Variants in NCAN observed in about 807,000 individuals in gnomAD.
NCAN encodes neurocan.
A neutral mutation model predicts 121.8 loss-of-function variants in NCAN; 47 were observed. That is an observed-to-expected ratio of 0.39 (90% CI 0.31 to 0.49). NCAN has a LOEUF of 0.49. Ranked by LOEUF, NCAN falls within the 20% of genes least tolerant of loss-of-function variation. NCAN has a pLI of 0.92. For synonymous variants in NCAN, 633 were observed against 702.0 expected (o/e 0.90, Z 1.55); for missense variants, 1,517 against 1,773.4 (o/e 0.86, Z 2.60).
intron 3 of NCAN, among the ~76,000 whole-genome samples, chr19:19,220,423 A>C (rs2060811931): frequency 6.7e-6 from 1 of 149,970 alleles, no homozygotes; most frequent in Non-Finnish European, 1.5e-5. Flanking sequence ...AAGCAAGAAC[A>C]ATTCTCAAAT....
At chr19:19,246,691 T>G (rs2060925704) in intron 13 of NCAN, among the ~76,000 whole-genome samples, 1 of 151,538 alleles carries the variant, frequency 6.6e-6, no homozygotes. Context: ...ACACCACACC[T>G]GGCTAATTTT....
intron 3 of NCAN, among the ~76,000 whole-genome samples, chr19:19,219,807 T>C (rs544749340): frequency 6.8e-6 from 1 of 147,478 alleles, no homozygotes; most frequent in East Asian, 2.0e-4. Flanking sequence ...TGTGGATCAG[T>C]TGAGGTCAGG....
rs200427306 is a variant in NCAN, at chr19:19,227,558, C to A, written c.1938C>A (p.His646Gln). The A allele has an allele frequency of 3.1e-6, 5 of 1,613,868 alleles. No homozygotes were observed. In the East Asian group the frequency reaches 6.7e-5, roughly 22 times the overall value. ...LRGPKEWMLP[H>Q]PTPISTEANR... Reference sequence around the variant, plus strand: ...GTCCCAAAGAGTGGATGCTACCACACCCCACCCCCATCTCCACCGAGGCCA... The same window carrying A: ...GTCCCAAAGAGTGGATGCTACCACAACCCACCCCCATCTCCACCGAGGCCA... The change falls in exon 8 of 15, where the codon CAC becomes CAA. Residue 646 changes from histidine (H) to glutamine (Q), a missense_variant. Coordinates refer to ENST00000252575, the MANE Select transcript of NCAN (RefSeq NM_004386.3). This position sits in a 1 kb window ranked among gnomAD's most constrained non-coding sequence, Gnocchi z 4.2.
chr19:19,245,525 T>C (rs2060921273), intron 13 of NCAN, 68 bp downstream of exon 13: 1 of 1,542,322 alleles, frequency 6.5e-7, no homozygotes, highest in Non-Finnish European at 8.8e-7. Context: ...TTGCCCAGGC[T>C]GGAGTGCAGT....
chr19:19,245,186 A>G (rs1234634223), intron 12 of NCAN, 127 bp from the exon 13 acceptor site: 1 of 1,171,642 alleles, frequency 8.5e-7, no homozygotes, highest in Non-Finnish European at 1.2e-6. Flanking sequence ...TGGCCATTGT[A>G]GAGATGGGAA....
At chr19:19,249,048 TG>T in intron 14 of NCAN, 166 bp downstream of exon 14, 1 of 297,312 alleles carries the variant, frequency 3.4e-6, no homozygotes, top group South Asian at 4.8e-5. Flanking sequence ...CCTTCATTTG[TG>T]TGTGTGTGTG....
At chr19:19,249,645 G>A (rs1568604940) in intron 14 of NCAN, 121 bp from the exon 15 acceptor site, 2 of 1,430,766 alleles carry the variant, frequency 1.4e-6, no homozygotes, top group East Asian at 2.3e-5. Context: ...GGGATGACAG[G>A]GATGAGCCCT....
At chr19:19,240,783 G>A (rs2060900705) in intron 12 of NCAN, 98 bp downstream of exon 12, 2 of 1,194,190 alleles carry the variant, frequency 1.7e-6, no homozygotes, top group South Asian at 2.5e-5. Flanking sequence ...GCAATTGGGT[G>A]TCAGAGGTCT....
At chr19:19,249,045 TTGTG>T (rs112544518) in intron 14 of NCAN, 163 bp downstream of exon 14, 5,946 of 543,654 alleles carry the variant, frequency 0.011, 3 homozygotes, top group South Asian at 0.022. Context: ...TTTCCTTCAT[TTGTG>T]TGTGTGTGTG....
chr19:19,248,638 A>C (rs1599827023), intron 13 of NCAN, 62 bp from the exon 14 acceptor site: 1 of 1,523,600 alleles, frequency 6.6e-7, no homozygotes, highest in Non-Finnish European at 9.0e-7. Flanking sequence ...CAACAACAAC[A>C]ACAACAACTA....
chr19:19,226,409 G>A, intron 6 of NCAN, 77 bp from the exon 7 acceptor site: 3 of 1,130,754 alleles, frequency 2.7e-6, no homozygotes, highest in Non-Finnish European at 3.8e-6. Context: ...CAGCATGCTG[G>A]AAAGTGGGTA....
intron 1 of NCAN, among the ~76,000 whole-genome samples, chr19:19,215,354 G>T (rs1039737621): frequency 2.0e-5 from 3 of 152,156 alleles, no homozygotes; most frequent in Non-Finnish European, 4.4e-5. Flanking sequence ...TGGTGACCGG[G>T]GTTCGCAGGA....
chr19:19,227,629 C>T lies in NCAN; in HGVS notation c.2009C>T (p.Ser670Phe). 9 of 1,613,962 alleles carry T rather than the reference C, an allele frequency of 5.6e-6. No individual in the cohort carries two copies. Among genetic ancestry groups the T allele is most frequent in the Non-Finnish European group, 7.6e-6 (9 of 1,180,028 alleles). ...GAGGCCACCGCCACGGCTCCACCCT[C>T]CCCTGCTGCAGAGACCAAGGTGTAT... is the stretch of plus-strand genomic sequence containing the variant. Reference protein sequence around the residue: ...HGEATATAPPSPAAETKVYSL... With the variant: ...HGEATATAPPFPAAETKVYSL... The change falls in exon 8 of 15, where the codon TCC becomes TTC. Residue 670 changes from serine to phenylalanine, a missense_variant. Ser to Phe is a radical substitution (Grantham distance 155). Transcript: ENST00000252575. The surrounding 1 kb of genome is among the most constrained non-coding windows in gnomAD (Gnocchi z 4.2).
In NCAN at chr19:19,212,553, C is replaced by A. The variant is rs1343243220; in HGVS notation, c.-8+489C>A. On this transcript the variant is annotated intron_variant, in intron 1 of 14. Transcript: ENST00000252575. The surrounding 1 kb of genome is among the most constrained non-coding windows in gnomAD (Gnocchi z 4.5). ...CAGTGGGGAGGGGGCCCCCAGATCA[C>A]CCTGTGCCCAATGGAAGGGTATCTG... 6.6e-6 allele frequency among the ~76,000 whole-genome samples: 1 copy of A among 152,168 alleles called. No individual in the cohort carries two copies. The highest frequency in any genetic ancestry group is 2.4e-5 in the African/African-American group (1 of 41,442).
At chr19:19,234,191 G>C (rs2060872624) in intron 9 of NCAN, among the ~76,000 whole-genome samples, 1 of 152,136 alleles carries the variant, frequency 6.6e-6, no homozygotes, top group African/African-American at 2.4e-5. Context: ...CCCTGCAAAG[G>C]CCCTTTGGAG....
At chr19:19,232,272 C>G (rs888940302) in intron 8 of NCAN, among the ~76,000 whole-genome samples, 6 of 152,198 alleles carry the variant, frequency 3.9e-5, no homozygotes, top group African/African-American at 9.7e-5. Context: ...ACCCAGGCAG[C>G]TACCCACCCG....
At position 19,228,432 on chromosome 19, in the gene NCAN, G is replaced by A; in HGVS notation, c.2812G>A (p.Val938Met). 2 of 1,613,686 alleles carry A rather than the reference G, an allele frequency of 1.2e-6. No homozygotes were observed. Among genetic ancestry groups the A allele is most frequent in the Non-Finnish European group, 1.7e-6 (2 of 1,180,008 alleles). ...VPPGTPTAAS[V>M]GESASVSSGE... ...TCCTGGGACACCGACTGCAGCCAGT[G>A]TGGGCGAGTCTGCCTCAGTTTCCTC... The change falls in exon 8 of 15, where the codon GTG (valine) becomes ATG (methionine). Residue 938 changes from valine to methionine, a missense_variant. Physicochemically the swap from Val to Met is conservative, Grantham distance 21. Coordinates refer to ENST00000252575, the MANE Select transcript of NCAN (RefSeq NM_004386.3).
chr19:19,243,638 T>C (rs2060912474), intron 12 of NCAN, among the ~76,000 whole-genome samples: 1 of 151,784 alleles, frequency 6.6e-6, no homozygotes, highest in Non-Finnish European at 1.5e-5. Flanking sequence ...GAGGCGGAGG[T>C]TGCAGCGAGC....
intron 11 of NCAN, chr19:19,238,779 C>A: frequency 2.9e-6 from 1 of 346,548 alleles, no homozygotes; most frequent in South Asian, 2.4e-5. Context: ...GTAAATAAGT[C>A]TATACTGTAA....
Sources: gnomAD v4.1 joint callset for allele counts (sites outside exome capture counted in the v4.1 genomes callset) on GRCh38, gnomAD v4.1.1 for gene constraint, Gnocchi (gnomAD v3.1) non-coding constraint, MANE v1.5 for transcripts, NCBI Gene and HGNC (gene_info 2026-07-23, HGNC 2026-07-21) for gene names.